Variants in RNF152 observed in about 807,000 individuals in gnomAD.
The protein encoded by RNF152 is E3 ubiquitin-protein ligase RNF152.
Under a neutral mutation model 12.7 loss-of-function variants are expected in RNF152, and 11 were observed. The observed-to-expected ratio is 0.86, with a 90% CI of 0.54 to 1.43. The LOEUF (loss-of-function observed/expected upper bound fraction) is 1.43, where lower values mean the gene tolerates loss of function less well. RNF152 is among the 40% of genes most tolerant of loss of function. The probability of loss-of-function intolerance (pLI) is 0.00; values close to 1 mark genes in which losing one functional copy is unlikely to be tolerated. For missense variants in RNF152, 255 were observed against 274.8 expected (o/e 0.93, Z 0.51); for synonymous variants, 113 against 120.3 (o/e 0.94, Z 0.40).
At position 61,892,364 on chromosome 18, in the gene RNF152, G is replaced by C. The variant is rs142339845; in HGVS notation, c.-136+431C>G. ...CATACGAAGGTCACTGCATTTGACC[G>C]GTGCTCAATTAGAGCACTGGGCAAA... is the stretch of plus-strand genomic sequence containing the variant. On this transcript the variant is annotated intron_variant, in intron 1 of 1. Transcript: ENST00000312828. Among the ~76,000 whole-genome samples the C allele has an allele frequency of 2.3e-3, 353 of 152,226 alleles. 3 individuals carry two copies. The highest frequency in any genetic ancestry group is 7.8e-3 in the African/African-American group (323 of 41,536).
At chr18:61,833,956 G>A (rs981032460) in intron 1 of RNF152, among the ~76,000 whole-genome samples, 6 of 152,250 alleles carry the variant, frequency 3.9e-5, no homozygotes, top group Middle Eastern at 3.4e-3. Flanking sequence ...AATTATGTGT[G>A]GTTAGCAAAA....
chr18:61,859,073 G>T (rs1479578201), intron 1 of RNF152, among the ~76,000 whole-genome samples: 1 of 152,146 alleles, frequency 6.6e-6, no homozygotes, highest in Non-Finnish European at 1.5e-5. Context: ...CCACGACCCT[G>T]TATTATAGAC....
chr18:61,815,783 C>A lies in RNF152; in HGVS notation c.*69G>T. ...GTCAGTGTTGCCCCCCATCTTCTCA[C>A]TGGGATCTCATCATCAACCTGCTCA... is the stretch of plus-strand genomic sequence containing the variant. On this transcript the variant is annotated 3_prime_UTR_variant, in exon 2 of 2. Transcript: ENST00000312828. 1.3e-6 allele frequency: 2 copies of A among 1,547,830 alleles called. No homozygotes were observed. The highest frequency in any genetic ancestry group is 1.8e-6 in the Non-Finnish European group (2 of 1,135,394).
intron 1 of RNF152, among the ~76,000 whole-genome samples, chr18:61,844,110 G>GAAAGAAAGAAAGAA (rs1555702356): frequency 9.5e-5 from 13 of 136,932 alleles, no homozygotes; most frequent in South Asian, 2.4e-4. Flanking sequence ...AAGAAAGAAA[G>GAAAGAAAGAAAGAA]AAAGAAAGAA....
intron 1 of RNF152, among the ~76,000 whole-genome samples, chr18:61,884,211 C>T (rs1282935683): frequency 7.1e-6 from 1 of 141,052 alleles, no homozygotes; most frequent in Non-Finnish European, 1.5e-5. Flanking sequence ...TCAATGAGGT[C>T]GGTTCTCCCC....
At chr18:61,861,444 C>T (rs7359752) in intron 1 of RNF152, among the ~76,000 whole-genome samples, 14,137 of 152,208 alleles carry the variant, frequency 0.093, 613 homozygotes, top group Middle Eastern at 0.17. Context: ...TATATGTGTA[C>T]TGGGCTACAC....
At chr18:61,842,749 C>A (rs149208678) in intron 1 of RNF152, among the ~76,000 whole-genome samples, 6,682 of 152,246 alleles carry the variant, frequency 0.044, 198 homozygotes, top group Non-Finnish European at 0.065. Context: ...CAAGGAGGAG[C>A]AAGTCACATC....
At chr18:61,824,811 C>A (rs1032911786) in intron 1 of RNF152, among the ~76,000 whole-genome samples, 5 of 152,208 alleles carry the variant, frequency 3.3e-5, no homozygotes, top group Non-Finnish European at 7.3e-5. Context: ...GCTTTATCTT[C>A]ATTTGCTCTA....
chr18:61,839,926 G>A (rs1910377168), intron 1 of RNF152, among the ~76,000 whole-genome samples: 1 of 152,064 alleles, frequency 6.6e-6, no homozygotes, highest in Non-Finnish European at 1.5e-5. Flanking sequence ...AATATTTCAG[G>A]CTCAACTTGT....
intron 1 of RNF152, among the ~76,000 whole-genome samples, chr18:61,832,576 C>T (rs1909999289): frequency 6.6e-6 from 1 of 152,102 alleles, no homozygotes; most frequent in African/African-American, 2.4e-5. Flanking sequence ...AAAAAATTCT[C>T]AATAACTTAT....
At chr18:61,845,010 A>G (rs1910686309) in intron 1 of RNF152, among the ~76,000 whole-genome samples, 1 of 152,190 alleles carries the variant, frequency 6.6e-6, no homozygotes, top group African/African-American at 2.4e-5. Context: ...TGCTGAAAAC[A>G]TTGGTGCCAC....
At position 61,808,941 on chromosome 18, in the gene RNF152, G is replaced by A. The variant is rs575004228; in HGVS notation, c.*6911C>T. The A allele has an allele frequency of 2.0e-5, 3 of 152,308 alleles. No individual in the cohort carries two copies. Among genetic ancestry groups the A allele is most frequent in the East Asian group, 3.9e-4 (2 of 5,170 alleles). The allele number at this position is 152,308 out of a possible 1,614,324, so 9.4% of individuals were successfully genotyped here. A position where few individuals can be genotyped will look rare whatever the true frequency, so the allele number is the denominator to read the frequency against. On this transcript the variant is annotated 3_prime_UTR_variant, in exon 2 of 2. Transcript: ENST00000312828. ...AAATGGGGACTCCTTGGACCCTCATGAGCTGAGCACATTACCCCACATGTC... is the reference window on the plus strand; with the variant it reads ...AAATGGGGACTCCTTGGACCCTCATAAGCTGAGCACATTACCCCACATGTC...
Position 61,870,456 on chromosome 18 carries a change from C to T in RNF152, c.-136+22339G>A, listed in dbSNP as rs762541388. On this transcript the variant is annotated intron_variant, in intron 1 of 1. Coordinates refer to ENST00000312828, the MANE Select transcript of RNF152 (RefSeq NM_173557.3). The stretch of plus-strand genomic sequence containing the variant: ...CACCCCAGGAAGAAAGAGGAGACCA[C>T]GCCTGTCACCTTACCTACTAGCTTG... 1.1e-4 allele frequency among the ~76,000 whole-genome samples: 16 copies of T among 152,302 alleles called. No individual in the cohort carries two copies. The South Asian group carries it at 1.7e-3, about 16-fold the overall frequency.
chr18:61,824,970 A>C (rs1041617843), intron 1 of RNF152, among the ~76,000 whole-genome samples: 2 of 152,228 alleles, frequency 1.3e-5, no homozygotes, highest in African/African-American at 4.8e-5. Context: ...CAGGTAGAGC[A>C]AATAAAGATG....
intron 1 of RNF152, among the ~76,000 whole-genome samples, chr18:61,885,880 C>T (rs1310018013): frequency 6.6e-6 from 1 of 152,026 alleles, no homozygotes. Flanking sequence ...GCATCAATGC[C>T]TGCTCCGTTA....
chr18:61,870,013 C>T (rs1599314202), intron 1 of RNF152, among the ~76,000 whole-genome samples: 1 of 152,248 alleles, frequency 6.6e-6, no homozygotes, highest in East Asian at 1.9e-4. Context: ...GATTTTTATC[C>T]ATGAAGGAAA....
chr18:61,824,653 G>A (rs535202192), intron 1 of RNF152, among the ~76,000 whole-genome samples: 4 of 152,302 alleles, frequency 2.6e-5, no homozygotes, highest in African/African-American at 9.6e-5. Flanking sequence ...CTGATCAGTA[G>A]CCTTCCCAGA....
At chr18:61,853,841 G>C (rs968041069) in intron 1 of RNF152, among the ~76,000 whole-genome samples, 2 of 152,130 alleles carry the variant, frequency 1.3e-5, no homozygotes, top group Non-Finnish European at 2.9e-5. Context: ...ATATTCACAA[G>C]TTCCAAGGAT....
At chr18:61,886,085 G>C (rs1396216409) in intron 1 of RNF152, among the ~76,000 whole-genome samples, 1 of 136,848 alleles carries the variant, frequency 7.3e-6, no homozygotes, top group Non-Finnish European at 1.5e-5. Flanking sequence ...TTAGAATCAT[G>C]ACCCTCATTG....
Sources: gnomAD v4.1 joint callset for allele counts (sites outside exome capture counted in the v4.1 genomes callset) on GRCh38, gnomAD v4.1.1 for gene constraint, MANE v1.5 for transcripts, NCBI Gene and HGNC (gene_info 2026-07-23, HGNC 2026-07-21) for gene names.